RAB11FIP4: variants seen among roughly 807,000 people sequenced by gnomAD.
The protein encoded by RAB11FIP4 is RAB11 family interacting protein 4.
In RAB11FIP4, 23 loss-of-function variants were observed where a neutral mutation model predicts 74.3. The ratio of observed to expected loss-of-function variants is 0.31; its 90% CI spans 0.22 to 0.44. The LOEUF is 0.44. Ranked by LOEUF, RAB11FIP4 falls within the 20% of genes least tolerant of loss-of-function variation. The pLI is 1.00. For synonymous variants in RAB11FIP4, 360 were observed against 359.9 expected, an observed-to-expected ratio of 1.00 and a Z score of 0.00; for missense variants, 630 against 863.9, an observed-to-expected ratio of 0.73 and a Z score of 3.39.
chr17:31,430,629 G>A (rs1466972371), intron 1 of RAB11FIP4, among the ~76,000 whole-genome samples: 1 of 152,056 alleles, frequency 6.6e-6, no homozygotes, highest in African/African-American at 2.4e-5. Flanking sequence ...AAAGTGCTGG[G>A]ATTACAGGTG....
chr17:31,524,995 C>T, intron 9 of RAB11FIP4, 95 bp from the exon 10 acceptor site: 1 of 1,479,634 alleles, frequency 6.8e-7, no homozygotes, highest in Middle Eastern at 2.4e-4. Flanking sequence ...ATGCCAGTGA[C>T]TCAGGGTCTC....
chr17:31,464,778 T>TTTTGG (rs2071668600), intron 3 of RAB11FIP4, among the ~76,000 whole-genome samples: 1 of 125,182 alleles, frequency 8.0e-6, no homozygotes, highest in Non-Finnish European at 1.6e-5. Flanking sequence ...TTTTTTTTTT[T>TTTTGG]GAGACAAGGT....
At chr17:31,517,137 A>T (rs1409329388) in intron 3 of RAB11FIP4, among the ~76,000 whole-genome samples, 1 of 138,724 alleles carries the variant, frequency 7.2e-6, no homozygotes, top group Non-Finnish European at 1.5e-5. Context: ...AATCAGAGAT[A>T]CTCTCAGTTT....
At chr17:31,521,620 G>T (rs1288543270) in intron 5 of RAB11FIP4, among the ~76,000 whole-genome samples, 1 of 152,100 alleles carries the variant, frequency 6.6e-6, no homozygotes, top group African/African-American at 2.4e-5. Flanking sequence ...TAGAACCTCA[G>T]TGTTGAAGCA....
rs1295114784 is a variant in RAB11FIP4, at chr17:31,417,308, C to A, written c.160-14505C>A. On this transcript the variant is annotated intron_variant, in intron 1 of 14. Coordinates refer to ENST00000621161, the MANE Select transcript of RAB11FIP4 (RefSeq NM_032932.6). ...CTCCAGAGGGTCCCTTCCCCAGAAG[C>A]ACTGCCAGGGAAATCTAGGCTCCAC... 2.0e-5 allele frequency among the ~76,000 whole-genome samples: 3 copies of A among 152,162 alleles called. No individual in the cohort carries two copies. In the East Asian group the frequency reaches 5.8e-4, roughly 29 times the overall value.
chr17:31,433,930 C>A, intron 2 of RAB11FIP4, 104 bp from the exon 3 acceptor site: 2 of 1,144,840 alleles, frequency 1.7e-6, no homozygotes, highest in Non-Finnish European at 2.5e-6. Context: ...CTCGGGCCCC[C>A]ACCTCAGCCC....
chr17:31,454,709 C>A (rs909739695), intron 3 of RAB11FIP4, among the ~76,000 whole-genome samples: 2 of 152,124 alleles, frequency 1.3e-5, no homozygotes, highest in South Asian at 2.1e-4. Context: ...CATGGTGAAA[C>A]CCCGTCTCTA....
At chr17:31,458,785 G>GTT (rs1040654551) in intron 3 of RAB11FIP4, among the ~76,000 whole-genome samples, 66 of 152,314 alleles carry the variant, frequency 4.3e-4, no homozygotes, top group African/African-American at 1.6e-3. Context: ...GGCCTTGTGG[G>GTT]TCACCCAGGG....
chr17:31,463,767 G>T (rs1380057802), intron 3 of RAB11FIP4, among the ~76,000 whole-genome samples: 1 of 142,348 alleles, frequency 7.0e-6, no homozygotes, highest in Non-Finnish European at 1.5e-5. Flanking sequence ...GCCTCCCAAA[G>T]TGTTGGGATT....
At chr17:31,499,852 G>A (rs902621743) in intron 3 of RAB11FIP4, among the ~76,000 whole-genome samples, 3 of 152,182 alleles carry the variant, frequency 2.0e-5, no homozygotes, top group South Asian at 4.1e-4. Context: ...GGGACTGAAA[G>A]CTAAGAGGAA....
At chr17:31,499,030 G>A (rs2072168384) in intron 3 of RAB11FIP4, among the ~76,000 whole-genome samples, 1 of 152,172 alleles carries the variant, frequency 6.6e-6, no homozygotes, top group Non-Finnish European at 1.5e-5. Flanking sequence ...AACCAGGAGA[G>A]CCCTTTATAC....
rs933483763 is a variant in RAB11FIP4 at position 31,426,807 on chromosome 17, G to A, written c.160-5006G>A. On this transcript the variant is annotated intron_variant, in intron 1 of 14. Transcript: ENST00000621161. ...AGTAGAGACGGGGTTTCACCATGTT[G>A]GCCAGGATGGTCTCAATCTCTTGAC... Among the ~76,000 whole-genome samples the A allele has an allele frequency of 4.6e-5, 7 of 151,830 alleles. No homozygotes were observed. The East Asian group carries it at 1.2e-3, about 25-fold the overall frequency.
chr17:31,459,508 A>C (rs1358601523), intron 3 of RAB11FIP4, among the ~76,000 whole-genome samples: 1 of 148,058 alleles, frequency 6.8e-6, no homozygotes, highest in Admixed American at 6.7e-5. Flanking sequence ...TTATTATTTA[A>C]CATGAATGGT....
chr17:31,444,681 AC>A (rs950920677), intron 3 of RAB11FIP4, among the ~76,000 whole-genome samples: 2 of 151,982 alleles, frequency 1.3e-5, no homozygotes, highest in Non-Finnish European at 2.9e-5. Context: ...GAACCTACTC[AC>A]CAAGTTAGAG....
At chr17:31,394,969 T>C (rs1052071710) in intron 1 of RAB11FIP4, among the ~76,000 whole-genome samples, 2 of 148,546 alleles carry the variant, frequency 1.3e-5, no homozygotes, top group Non-Finnish European at 1.5e-5. Flanking sequence ...CGAAATGCAG[T>C]GTACTCTGAC....
intron 13 of RAB11FIP4, 49 bp from the exon 14 acceptor site, chr17:31,530,277 C>T (rs775543589): frequency 1.3e-5 from 21 of 1,601,726 alleles, no homozygotes; most frequent in Non-Finnish European, 1.8e-5. Context: ...TTCCAGTGGG[C>T]TGTGGATGCC....
chr17:31,522,520 G>A (rs1411032739), intron 7 of RAB11FIP4, 125 bp downstream of exon 7: 6 of 930,626 alleles, frequency 6.4e-6, no homozygotes, highest in Admixed American at 2.1e-5. Flanking sequence ...AGAGGGGAAC[G>A]AGGCCATCCC....
intron 3 of RAB11FIP4, chr17:31,487,885 T>G: frequency 4.2e-6 from 1 of 240,720 alleles, no homozygotes; most frequent in Non-Finnish European, 6.6e-6. Flanking sequence ...TGGAGCCACC[T>G]GCCCCTACCT....
chr17:31,497,805 G>A (rs149360113), intron 3 of RAB11FIP4, among the ~76,000 whole-genome samples: 226 of 152,258 alleles, frequency 1.5e-3, no homozygotes, highest in African/African-American at 5.1e-3. Flanking sequence ...GGCTTTAAGA[G>A]CAGGTGATGG....
Sources: gnomAD v4.1 joint callset for allele counts (sites outside exome capture counted in the v4.1 genomes callset) on GRCh38, gnomAD v4.1.1 for gene constraint, MANE v1.5 for transcripts, NCBI Gene and HGNC (gene_info 2026-07-23, HGNC 2026-07-21) for gene names.